Variants in CDIP1 observed in about 807,000 individuals in gnomAD.
The protein encoded by CDIP1 is cell death inducing p53 target 1, also known as cell death-inducing p53-target protein 1.
CDIP1 carries 9 observed loss-of-function variants against 17.7 expected under a neutral mutation model. The ratio of observed to expected loss-of-function variants is 0.51; its 90% CI spans 0.31 to 0.89. The LOEUF is 0.89. Among genes scored for constraint, CDIP1 ranks in the 40% least tolerant of loss-of-function variants. The pLI is 0.05. For synonymous variants in CDIP1, 117 were observed against 109.5 expected, an observed-to-expected ratio of 1.07 and a Z score of -0.43; for missense variants, 263 against 277.9, an observed-to-expected ratio of 0.95 and a Z score of 0.38.
intron 1 of CDIP1, among the ~76,000 whole-genome samples, chr16:4,528,991 A>G (rs2059028437): frequency 1.3e-5 from 2 of 152,118 alleles, no homozygotes; most frequent in Admixed American, 1.3e-4. Flanking sequence ...CTCCATCTCA[A>G]AAAAATATAT....
intron 1 of CDIP1, among the ~76,000 whole-genome samples, chr16:4,522,862 G>C (rs2058964975): frequency 6.6e-6 from 1 of 152,218 alleles, no homozygotes; most frequent in South Asian, 2.1e-4. Flanking sequence ...AGGGAGGCTT[G>C]GCCCACACTA....
In CDIP1 at chr16:4,513,170, G is replaced by C; in HGVS notation, c.242-106C>G. 8.2e-7 allele frequency: 1 copy of C among 1,220,018 alleles called. No homozygotes were observed. Among genetic ancestry groups the C allele is most frequent in the Non-Finnish European group, 1.1e-6 (1 of 900,056 alleles). 75.6% of individuals were successfully genotyped at this position (1,220,018 alleles called of 1,614,324 possible). A position where few individuals can be genotyped will look rare whatever the true frequency, so the allele number is the denominator to read the frequency against. On this transcript the variant is annotated intron_variant, in intron 4 of 5. Transcript: ENST00000567695. This position sits in a 1 kb window ranked among gnomAD's most constrained non-coding sequence, Gnocchi z 4.1. ...CGGTCCACAGCGCCCAGCGTGCAAG[G>C]CTACGCCTCAGACCTCCTACCGCCC... is the stretch of plus-strand genomic sequence containing the variant.
intron 1 of CDIP1, among the ~76,000 whole-genome samples, chr16:4,517,116 C>G (rs2058896375): frequency 6.6e-6 from 1 of 152,198 alleles, no homozygotes; most frequent in East Asian, 1.9e-4. Context: ...GTTAGATTAT[C>G]TCCTCAGGCT....
chr16:4,518,321 G>A (rs111699821), intron 1 of CDIP1, among the ~76,000 whole-genome samples: 1 of 152,214 alleles, frequency 6.6e-6, no homozygotes, highest in Non-Finnish European at 1.5e-5. Context: ...ATGATGATAG[G>A]GTGTAAGCCC....
At chr16:4,537,480 G>A (rs989844335) in intron 1 of CDIP1, among the ~76,000 whole-genome samples, 1 of 152,166 alleles carries the variant, frequency 6.6e-6, no homozygotes, top group African/African-American at 2.4e-5. Context: ...GAACCCAGGA[G>A]AGCAGTAACT....
intron 1 of CDIP1, among the ~76,000 whole-genome samples, chr16:4,529,255 C>T (rs1186957777): frequency 6.6e-6 from 1 of 152,214 alleles, no homozygotes; most frequent in Non-Finnish European, 1.5e-5. Context: ...AATGACCTCA[C>T]AGTCCTGCTA....
intron 1 of CDIP1, among the ~76,000 whole-genome samples, chr16:4,517,151 G>A (rs1016160621): frequency 6.6e-6 from 1 of 152,192 alleles, no homozygotes; most frequent in African/African-American, 2.4e-5. Context: ...GAGATGACTA[G>A]GTCAAAGGAC....
At chr16:4,530,297 T>C (rs943696432) in intron 1 of CDIP1, among the ~76,000 whole-genome samples, 1 of 152,240 alleles carries the variant, frequency 6.6e-6, no homozygotes, top group Non-Finnish European at 1.5e-5. Context: ...CCCTAAGAAT[T>C]CACTTACATT....
At chr16:4,516,097 AAAGG>A (rs2058884694) in intron 1 of CDIP1, among the ~76,000 whole-genome samples, 2 of 152,326 alleles carry the variant, frequency 1.3e-5, no homozygotes, top group African/African-American at 2.4e-5. Flanking sequence ...TCGGCTATAA[AAAGG>A]AAGGAAGCAC....
chr16:4,532,939 G>T (rs1185462826), intron 1 of CDIP1: 1 of 152,150 alleles, frequency 6.6e-6, no homozygotes, highest in African/African-American at 2.4e-5. Context: ...GACTCTTCAG[G>T]TTCAAGGATG....
At chr16:4,517,622 T>A (rs2058901494) in intron 1 of CDIP1, among the ~76,000 whole-genome samples, 1 of 152,056 alleles carries the variant, frequency 6.6e-6, no homozygotes, top group Non-Finnish European at 1.5e-5. Flanking sequence ...ATGCCTGTAG[T>A]CCCAGCTACT....
chr16:4,521,971 C>T (rs1179326222), intron 1 of CDIP1, among the ~76,000 whole-genome samples: 1 of 152,198 alleles, frequency 6.6e-6, no homozygotes, highest in African/African-American at 2.4e-5. Context: ...TAGGCAACTT[C>T]CAACAGGGAG....
rs2058874811 is a variant in CDIP1, at chr16:4,514,979, C to G, written c.-104-315G>C. On this transcript the variant is annotated intron_variant, in intron 1 of 5. Coordinates refer to ENST00000567695, the MANE Select transcript of CDIP1 (RefSeq NM_013399.3). The surrounding 1 kb of genome is among the most constrained non-coding windows in gnomAD (Gnocchi z 5.2). ...GGCAAGCTGTGCTCTGGCCTGTGCC[C>G]TTCTGGTTTGTTTGTTGAGGTGGGG... The G allele has an allele frequency of 6.6e-6, 1 of 152,524 alleles. No homozygotes were observed. The highest frequency in any genetic ancestry group is 1.5e-5 in the Non-Finnish European group (1 of 68,230). The allele number at this position is 152,524 out of a possible 1,614,324, so 9.4% of individuals were successfully genotyped here.
At chr16:4,515,996 A>C (rs2058883327) in intron 1 of CDIP1, among the ~76,000 whole-genome samples, 1 of 152,202 alleles carries the variant, frequency 6.6e-6, no homozygotes, top group Non-Finnish European at 1.5e-5. Flanking sequence ...AGCAGCATGA[A>C]TCATAATAGC....
In CDIP1 at chr16:4,513,022, T is replaced by C. The variant is rs948046022; in HGVS notation, c.284A>G (p.Tyr95Cys). Residue 95 changes from tyrosine (Y) to cysteine (C), a missense_variant, in exon 5 of 6, where the codon TAC (tyrosine) becomes TGC (cysteine). Coordinates refer to ENST00000567695, the MANE Select transcript of CDIP1 (RefSeq NM_013399.3). The surrounding 1 kb of genome is among the most constrained non-coding windows in gnomAD (Gnocchi z 4.1). ...PPGPHPPMGY[Y>C]PPGPYTPGPY... The stretch of plus-strand genomic sequence containing the variant: ...CCCTGGCGTGTAGGGCCCTGGGGGG[T>C]AGTAGCCCATGGGTGGGTGGGGGCC... The C allele has an allele frequency of 2.5e-6, 4 of 1,589,280 alleles. No homozygotes were observed. Among genetic ancestry groups the C allele is most frequent in the African/African-American group, 1.4e-5 (1 of 73,686 alleles).
At chr16:4,538,056 C>T (rs1474807705) in intron 1 of CDIP1, among the ~76,000 whole-genome samples, 1 of 152,182 alleles carries the variant, frequency 6.6e-6, no homozygotes, top group Non-Finnish European at 1.5e-5. Context: ...GACCCCCTTT[C>T]CTTGAGAAAA....
At chr16:4,533,045 G>A (rs1336547730) in intron 1 of CDIP1, 5 of 152,184 alleles carry the variant, frequency 3.3e-5, no homozygotes, top group African/African-American at 1.2e-4. Flanking sequence ...ACCCTCCATG[G>A]AGGTCACTCA....
intron 1 of CDIP1, among the ~76,000 whole-genome samples, chr16:4,526,161 C>T (rs1417341958): frequency 6.6e-6 from 1 of 152,136 alleles, no homozygotes; most frequent in East Asian, 1.9e-4. Flanking sequence ...AATTACGGCA[C>T]TTTGGGAGGC....
intron 1 of CDIP1, among the ~76,000 whole-genome samples, chr16:4,537,598 C>A (rs2059122026): frequency 6.6e-6 from 1 of 152,182 alleles, no homozygotes; most frequent in Non-Finnish European, 1.5e-5. Flanking sequence ...CTCACTGGGA[C>A]AGGTTCTCAG....
Sources: gnomAD v4.1 joint callset for allele counts (sites outside exome capture counted in the v4.1 genomes callset) on GRCh38, gnomAD v4.1.1 for gene constraint, Gnocchi (gnomAD v3.1) non-coding constraint, MANE v1.5 for transcripts, NCBI Gene and HGNC (gene_info 2026-07-23, HGNC 2026-07-21) for gene names.